Variants in PCNX2 observed in about 807,000 individuals in gnomAD.
PCNX2 encodes pecanex 2.
A neutral mutation model predicts 223.8 loss-of-function variants in PCNX2; 168 were observed. That is an observed-to-expected ratio of 0.75 (90% CI 0.66 to 0.85). The LOEUF (loss-of-function observed/expected upper bound fraction) is 0.85. PCNX2 is among the 40% of genes least tolerant of loss of function. PCNX2 has a pLI of 0.00. For synonymous variants in PCNX2, 1,006 were observed against 1,052.6 expected (o/e 0.96, Z 0.86); for missense variants, 2,507 against 2,675.5 (o/e 0.94, Z 1.39).
intron 1 of PCNX2, among the ~76,000 whole-genome samples, chr1:233,273,593 A>G (rs892465506): frequency 6.6e-6 from 1 of 151,290 alleles, no homozygotes; most frequent in Non-Finnish European, 1.5e-5. Flanking sequence ...GCTCCATCCC[A>G]TTCAGTGGTT....
chr1:232,998,165 G>A, intron 32 of PCNX2, 86 bp downstream of exon 32: 2 of 1,351,576 alleles, frequency 1.5e-6, no homozygotes, highest in South Asian at 3.5e-5. Context: ...GCTCTCAGAG[G>A]TTTAAACAAC....
intron 17 of PCNX2, among the ~76,000 whole-genome samples, chr1:233,173,424 C>T (rs573526007): frequency 9.2e-5 from 14 of 152,284 alleles, no homozygotes; most frequent in East Asian, 3.9e-4. Context: ...CCTCGGCCTC[C>T]GAAAGTGCTG....
intron 17 of PCNX2, among the ~76,000 whole-genome samples, chr1:233,169,769 G>A (rs1679040186): frequency 6.6e-6 from 1 of 151,368 alleles, no homozygotes; most frequent in African/African-American, 2.4e-5. Flanking sequence ...AACATTTCCA[G>A]CATCCTAGAA....
chr1:233,156,315 T>C (rs1678121161), intron 19 of PCNX2, among the ~76,000 whole-genome samples: 1 of 152,236 alleles, frequency 6.6e-6, no homozygotes. Flanking sequence ...GAAGTACATA[T>C]TCAAAGTATG....
chr1:233,155,762 G>A (rs1276573567), intron 19 of PCNX2, among the ~76,000 whole-genome samples: 3 of 152,112 alleles, frequency 2.0e-5, no homozygotes, highest in Non-Finnish European at 4.4e-5. Flanking sequence ...TTTCAATCAG[G>A]TCCAACTTTG....
chr1:233,216,354 C>T (rs913332628), intron 12 of PCNX2, among the ~76,000 whole-genome samples: 1 of 152,142 alleles, frequency 6.6e-6, no homozygotes, highest in Non-Finnish European at 1.5e-5. Flanking sequence ...CATAGGTGAG[C>T]TCAGAGTCTT....
the PCNX2 span, among the ~76,000 whole-genome samples, chr1:233,316,331 T>C: frequency 6.6e-6 from 1 of 152,246 alleles, no homozygotes; most frequent in Non-Finnish European, 1.5e-5. Context: ...AAATGTTAAC[T>C]TATTACTGTT....
chr1:233,074,919 A>G (rs1248686413), intron 23 of PCNX2, among the ~76,000 whole-genome samples: 1 of 152,204 alleles, frequency 6.6e-6, no homozygotes, highest in Non-Finnish European at 1.5e-5. Context: ...TAGTGAAAAC[A>G]TGAAAATACT....
intron 21 of PCNX2, among the ~76,000 whole-genome samples, chr1:233,110,777 T>C (rs973747856): frequency 6.6e-6 from 1 of 151,260 alleles, no homozygotes; most frequent in African/African-American, 2.4e-5. Flanking sequence ...TTCCTCACAC[T>C]ACATATAAAG....
intron 1 of PCNX2, among the ~76,000 whole-genome samples, chr1:233,292,198 CTTTCTTTTTTTTTT>C: frequency 7.4e-6 from 1 of 134,356 alleles, no homozygotes; most frequent in African/African-American, 2.9e-5. Flanking sequence ...TTCTTTCTTT[CTTTCTTTTTTTTTT>C]TTTTTTTTTT....
At chr1:233,138,598 A>C (rs1270527690) in intron 20 of PCNX2, among the ~76,000 whole-genome samples, 3 of 152,226 alleles carry the variant, frequency 2.0e-5, no homozygotes, top group Non-Finnish European at 4.4e-5. Flanking sequence ...AATTCTGGTC[A>C]TCTCCTAGAT....
At position 233,025,310 on chromosome 1, in the gene PCNX2, G is replaced by A. The variant is rs776558369; in HGVS notation, c.4441C>T (p.Pro1481Ser). Residue 1481 changes from proline (P) to serine (S), a missense_variant, in exon 26 of 34, where the codon CCT becomes TCT. Pro to Ser is a moderately conservative substitution (Grantham distance 74, BLOSUM62 -1). Coordinates refer to ENST00000258229, the MANE Select transcript of PCNX2 (RefSeq NM_014801.4). ...GCCCCKPGHLPHLLSCNAAFH... is the reference protein window; with the variant it reads ...GCCCCKPGHLSHLLSCNAAFH... The stretch of plus-strand genomic sequence containing the variant: ...GCAGCGTTGCAGGACAGCAGGTGAG[G>A]CAAGTGGCCTGGTTTGCAGCAGCAG... The A allele has an allele frequency of 1.2e-6, 2 of 1,614,046 alleles. No individual in the cohort carries two copies. The highest frequency in any genetic ancestry group is 1.7e-6 in the Non-Finnish European group (2 of 1,179,898).
the PCNX2 span, among the ~76,000 whole-genome samples, chr1:233,322,349 A>T: frequency 5.3e-5 from 8 of 152,292 alleles, no homozygotes; most frequent in South Asian, 1.7e-3. Flanking sequence ...AGGGCACGAC[A>T]CCAATGCTTT....
At chr1:233,267,921 G>A (rs11583150) in intron 1 of PCNX2, among the ~76,000 whole-genome samples, 15,079 of 149,552 alleles carry the variant, frequency 0.1, 916 homozygotes, top group South Asian at 0.2. Flanking sequence ...TCGATGTTTA[G>A]TTTTTTTTTT....
chr1:233,215,362 G>A (rs1682062111), intron 12 of PCNX2, among the ~76,000 whole-genome samples: 1 of 152,284 alleles, frequency 6.6e-6, no homozygotes, highest in East Asian at 1.9e-4. Flanking sequence ...ATTAATTACT[G>A]CAATAAACAT....
At chr1:233,154,550 A>C (rs1343011883) in intron 19 of PCNX2, among the ~76,000 whole-genome samples, 1 of 152,204 alleles carries the variant, frequency 6.6e-6, no homozygotes, top group African/African-American at 2.4e-5. Context: ...TCCTTTAGTG[A>C]ATTTACAAAG....
intron 22 of PCNX2, among the ~76,000 whole-genome samples, chr1:233,091,400 A>T (rs1673863245): frequency 6.6e-6 from 1 of 151,868 alleles, no homozygotes; most frequent in Admixed American, 6.6e-5. Context: ...AGAATATAGA[A>T]GTAACTCGGA....
At chr1:233,230,325 G>A (rs2057629) in intron 9 of PCNX2, among the ~76,000 whole-genome samples, 10 of 152,100 alleles carry the variant, frequency 6.6e-5, no homozygotes, top group East Asian at 1.9e-4. Context: ...AGGGGCTTGC[G>A]TAAGTGAGGA....
chr1:233,315,612 C>A, the PCNX2 span, among the ~76,000 whole-genome samples: 2 of 152,122 alleles, frequency 1.3e-5, no homozygotes, highest in African/African-American at 2.4e-5. Context: ...CAAAAATAGA[C>A]CTGATATACA....
Sources: gnomAD v4.1 joint callset for allele counts (sites outside exome capture counted in the v4.1 genomes callset) on GRCh38, gnomAD v4.1.1 for gene constraint, MANE v1.5 for transcripts, NCBI Gene and HGNC (gene_info 2026-07-23, HGNC 2026-07-21) for gene names.